The following UBE2E2 variants were observed in gnomAD, a reference collection of about 807,000 sequenced individuals.
UBE2E2 encodes the protein ubiquitin conjugating enzyme E2 E2.
Under a neutral mutation model 24.7 loss-of-function variants are expected in UBE2E2, and 6 were observed. The ratio of observed to expected loss-of-function variants is 0.24; its 90% CI spans 0.13 to 0.48. UBE2E2 has a LOEUF of 0.48. Among genes scored for constraint, UBE2E2 ranks in the 20% least tolerant of loss-of-function variants. UBE2E2 has a pLI of 0.99. For synonymous variants in UBE2E2, 104 were observed against 83.6 expected, an observed-to-expected ratio of 1.24 and a Z score of -1.33; for missense variants, 169 against 245.0, an observed-to-expected ratio of 0.69 and a Z score of 2.07.
chr3:23,537,293 A>G (rs746662462), intron 5 of UBE2E2, among the ~76,000 whole-genome samples: 4 of 152,206 alleles, frequency 2.6e-5, no homozygotes, highest in Non-Finnish European at 5.9e-5. Flanking sequence ...AACAGGCAGA[A>G]CTATACAGGT....
intron 3 of UBE2E2, among the ~76,000 whole-genome samples, chr3:23,382,416 G>A (rs954479129): frequency 6.6e-6 from 1 of 151,800 alleles, no homozygotes; most frequent in African/African-American, 2.4e-5. Context: ...TCCCAACCTC[G>A]GGTAATCCGC....
intron 5 of UBE2E2, chr3:23,534,292 C>A: frequency 1.0e-6 from 1 of 958,762 alleles, no homozygotes; most frequent in Non-Finnish European, 1.2e-6. Flanking sequence ...CCAAAGCCTT[C>A]TCTCAGCAAT....
At chr3:23,244,135 G>A (rs200545845) in intron 3 of UBE2E2, among the ~76,000 whole-genome samples, 23 of 147,046 alleles carry the variant, frequency 1.6e-4, no homozygotes, top group East Asian at 2.0e-4. Flanking sequence ...ATTTCATTTG[G>A]AAAAAAAAAA....
rs191252005 is a variant in UBE2E2 at position 23,350,341 on chromosome 3, A to G, written c.227+133029A>G. On this transcript the variant is annotated intron_variant, in intron 3 of 5. Coordinates refer to ENST00000396703, the MANE Select transcript of UBE2E2 (RefSeq NM_152653.4). ...AAAAGCAGAGCACCTCTCCTCCTCC[A>G]AAGGAACGCAGTTCCTCACCAGCAA... Among the ~76,000 whole-genome samples the G allele has an allele frequency of 6.5e-4, 99 of 152,360 alleles. 5 individuals carry two copies. In the East Asian group the frequency reaches 0.016, roughly 24 times the overall value.
intron 3 of UBE2E2, among the ~76,000 whole-genome samples, chr3:23,365,462 A>G (rs1054982511): frequency 2.6e-5 from 4 of 152,214 alleles, no homozygotes; most frequent in Admixed American, 2.6e-4. Flanking sequence ...TAGCATTTCT[A>G]TACACCAACA....
At chr3:23,258,697 T>C (rs1410224205) in intron 3 of UBE2E2, among the ~76,000 whole-genome samples, 1 of 151,992 alleles carries the variant, frequency 6.6e-6, no homozygotes, top group African/African-American at 2.4e-5. Context: ...ATGGAGACCA[T>C]CCTGGCTAAC....
chr3:23,506,297 A>G (rs891616739), intron 4 of UBE2E2, among the ~76,000 whole-genome samples: 2 of 152,204 alleles, frequency 1.3e-5, no homozygotes, highest in Non-Finnish European at 2.9e-5. Context: ...AACATCCAGT[A>G]GTCATCTCAA....
chr3:23,298,041 T>C lies in UBE2E2; in HGVS notation c.227+80729T>C, dbSNP rs1698960113. Among the ~76,000 whole-genome samples the C allele has an allele frequency of 3.3e-5, 5 of 152,014 alleles. No homozygotes were observed. The South Asian group carries it at 1.0e-3, about 32-fold the overall frequency. ...TGGATTCCTAGATATTTTATTCTCT[T>C]TGAAGCAATTGTGAATGGGAGTTCA... On this transcript the variant is annotated intron_variant, in intron 3 of 5. Coordinates refer to ENST00000396703, the MANE Select transcript of UBE2E2 (RefSeq NM_152653.4).
intron 3 of UBE2E2, among the ~76,000 whole-genome samples, chr3:23,239,476 T>C (rs1288693289): frequency 6.6e-6 from 1 of 152,110 alleles, no homozygotes; most frequent in Non-Finnish European, 1.5e-5. Flanking sequence ...GAATCGACTT[T>C]CTGTCTCTAT....
chr3:23,348,812 C>A (rs1695638566), intron 3 of UBE2E2, among the ~76,000 whole-genome samples: 2 of 123,540 alleles, frequency 1.6e-5, no homozygotes, highest in South Asian at 4.9e-4. Context: ...CTGGGTATGG[C>A]CTGCAAAACC....
intron 3 of UBE2E2, among the ~76,000 whole-genome samples, chr3:23,344,483 GA>G: frequency 6.6e-6 from 1 of 152,062 alleles, no homozygotes; most frequent in Admixed American, 6.6e-5. Flanking sequence ...GTTTTAACGT[GA>G]GTATAATTAC....
chr3:23,411,783 T>G (rs1697501374), intron 3 of UBE2E2, among the ~76,000 whole-genome samples: 1 of 152,204 alleles, frequency 6.6e-6, no homozygotes, highest in South Asian at 2.1e-4. Context: ...GAAAATTAAG[T>G]ACTTAGTGTA....
intron 3 of UBE2E2, among the ~76,000 whole-genome samples, chr3:23,488,055 G>C (rs961058656): frequency 6.6e-6 from 1 of 151,790 alleles, no homozygotes; most frequent in Non-Finnish European, 1.5e-5. Context: ...CTAGACAACT[G>C]TATGAAGAAA....
chr3:23,229,043 A>T (rs1559447922), intron 3 of UBE2E2, among the ~76,000 whole-genome samples: 1 of 152,132 alleles, frequency 6.6e-6, no homozygotes, highest in African/African-American at 2.4e-5. Context: ...ACTTCTCCTG[A>T]TGCTTCAGAT....
rs146170056 is a variant in UBE2E2 at position 23,345,951 on chromosome 3, C to T, written c.227+128639C>T. On this transcript the variant is annotated intron_variant, in intron 3 of 5. Transcript: ENST00000396703. ...AGGAGGAAGAAAAACATCTCACCAA[C>T]GGCAGACAGCAGAAACTAATGGTTT... Among the ~76,000 whole-genome samples, 981 of 152,242 alleles carry T rather than the reference C, an allele frequency of 6.4e-3. 14 individuals are homozygous for T. Among genetic ancestry groups the T allele is most frequent in the African/African-American group, 0.021 (880 of 41,542 alleles).
At chr3:23,212,680 C>G (rs1696362208) in intron 2 of UBE2E2, among the ~76,000 whole-genome samples, 1 of 152,002 alleles carries the variant, frequency 6.6e-6, no homozygotes, top group African/African-American at 2.4e-5. Flanking sequence ...ATCATATGGG[C>G]TCGTCTAAGT....
chr3:23,298,409 A>C (rs577249717), intron 3 of UBE2E2, among the ~76,000 whole-genome samples: 3 of 152,238 alleles, frequency 2.0e-5, no homozygotes, highest in Admixed American at 2.0e-4. Context: ...ATTCAGTATG[A>C]TATTGGCTGT....
intron 3 of UBE2E2, among the ~76,000 whole-genome samples, chr3:23,317,036 C>T (rs1459356373): frequency 6.6e-6 from 1 of 152,052 alleles, no homozygotes; most frequent in Non-Finnish European, 1.5e-5. Context: ...AAGGAAAGGG[C>T]CACTTTTGTT....
rs1696713792 is a variant in UBE2E2, at chr3:23,589,596, G to T, written c.509-138G>T. The T allele has an allele frequency of 2.6e-6, 2 of 760,148 alleles. No individual in the cohort carries two copies. Among genetic ancestry groups the T allele is most frequent in the Non-Finnish European group, 2.2e-6 (1 of 460,912 alleles). 47.1% of individuals were successfully genotyped at this position (760,148 alleles called of 1,614,324 possible). A position where few individuals can be genotyped will look rare whatever the true frequency, so the allele number is the denominator to read the frequency against. On this transcript the variant is annotated intron_variant, in intron 5 of 5. Coordinates refer to ENST00000396703, the MANE Select transcript of UBE2E2 (RefSeq NM_152653.4). This position sits in a 1 kb window ranked among gnomAD's most constrained non-coding sequence, Gnocchi z 4.1. ...GTAGTCTGTCAGCAGCAGGTGACTG[G>T]CTCAGCCGCAGCAATGGTGGTCCAG...
Sources: gnomAD v4.1 joint callset for allele counts (sites outside exome capture counted in the v4.1 genomes callset) on GRCh38, gnomAD v4.1.1 for gene constraint, Gnocchi (gnomAD v3.1) non-coding constraint, MANE v1.5 for transcripts, NCBI Gene and HGNC (gene_info 2026-07-23, HGNC 2026-07-21) for gene names.